NDUFAF2: variants seen among roughly 807,000 people sequenced by gnomAD.
The protein encoded by NDUFAF2 is NADH dehydrogenase [ubiquinone] 1 alpha subcomplex assembly factor 2.
Under a neutral mutation model 22.8 loss-of-function variants are expected in NDUFAF2, and 13 were observed. That is an observed-to-expected ratio of 0.57 (90% confidence interval 0.37 to 0.91). NDUFAF2 has a LOEUF of 0.91. NDUFAF2 is among the 40% of genes least tolerant of loss of function. The probability of loss-of-function intolerance (pLI) is 0.01; values close to 1 mark genes in which losing one functional copy is unlikely to be tolerated. For missense variants in NDUFAF2, 162 were observed against 195.2 expected, an observed-to-expected ratio of 0.83 and a Z score of 1.01; for synonymous variants, 53 against 64.2, an observed-to-expected ratio of 0.83 and a Z score of 0.84.
In NDUFAF2 at chr5:61,045,684, A is replaced by T. The variant is rs535286833; in HGVS notation, c.128-27441A>T. Among the ~76,000 whole-genome samples, 64 of 93,662 alleles carry T rather than the reference A, an allele frequency of 6.8e-4. 1 individual carries two copies. The highest frequency in any genetic ancestry group is 1.1e-3 in the Non-Finnish European group (57 of 49,590). 61.4% of individuals were successfully genotyped at this position (93,662 alleles called of 152,430 possible). A position where few individuals can be genotyped will look rare whatever the true frequency, so the allele number is the denominator to read the frequency against. On this transcript the variant is annotated intron_variant, in intron 1 of 3. Transcript: ENST00000296597. ...TACTGTTAGTGTATTTTTGTATCCCACAACTTTACTGAACTTGTTTGTTCT... is the reference window on the plus strand; with the variant it reads ...TACTGTTAGTGTATTTTTGTATCCCTCAACTTTACTGAACTTGTTTGTTCT...
At chr5:60,945,438 G>A (rs1256058869) in intron 1 of NDUFAF2, 56 bp downstream of exon 1, 2 of 1,613,522 alleles carry the variant, frequency 1.2e-6, no homozygotes, top group South Asian at 1.1e-5. Flanking sequence ...GGTCAGTAAA[G>A]GAGGGAAAAG....
chr5:61,095,621 C>T (rs1255156560), intron 2 of NDUFAF2, among the ~76,000 whole-genome samples: 2 of 152,198 alleles, frequency 1.3e-5, no homozygotes, highest in Admixed American at 6.5e-5. Context: ...CGCCTCTGTG[C>T]GTGCCTGAGT....
chr5:61,054,418 A>G (rs562067904), intron 1 of NDUFAF2, among the ~76,000 whole-genome samples: 2 of 152,290 alleles, frequency 1.3e-5, no homozygotes, highest in South Asian at 4.1e-4. Flanking sequence ...CAAGCAGGCC[A>G]GACCATAGGT....
intron 1 of NDUFAF2, among the ~76,000 whole-genome samples, chr5:60,949,569 G>A (rs111249711): frequency 1.9e-3 from 293 of 152,306 alleles, no homozygotes; most frequent in African/African-American, 6.7e-3. Context: ...CTAAGAGTGT[G>A]AGTGCTTGGC....
chr5:60,970,261 A>C (rs1444706395), intron 1 of NDUFAF2, among the ~76,000 whole-genome samples: 1 of 152,146 alleles, frequency 6.6e-6, no homozygotes, highest in African/African-American at 2.4e-5. Flanking sequence ...TTCTGTGAAG[A>C]ATGTCATTGG....
intron 1 of NDUFAF2, among the ~76,000 whole-genome samples, chr5:60,953,542 C>T (rs1750575446): frequency 6.6e-6 from 1 of 152,054 alleles, no homozygotes; most frequent in African/African-American, 2.4e-5. Context: ...GCTTCAGTAG[C>T]CTCCTGAGAA....
At chr5:60,992,518 A>C (rs1751174153) in intron 1 of NDUFAF2, among the ~76,000 whole-genome samples, 2 of 152,096 alleles carry the variant, frequency 1.3e-5, no homozygotes, top group African/African-American at 2.4e-5. Context: ...TTAATTCATC[A>C]TTTAGTCTTT....
chr5:61,096,417 G>C (rs1349481168), intron 2 of NDUFAF2, among the ~76,000 whole-genome samples: 1 of 151,876 alleles, frequency 6.6e-6, no homozygotes, highest in Non-Finnish European at 1.5e-5. Flanking sequence ...TGGCCAACAC[G>C]GTGAAACCCC....
chr5:61,077,835 G>A (rs955595859), intron 2 of NDUFAF2, among the ~76,000 whole-genome samples: 5 of 152,196 alleles, frequency 3.3e-5, no homozygotes, highest in African/African-American at 9.6e-5. Context: ...ATGGGTAGAT[G>A]TGGTAATGAG....
intron 3 of NDUFAF2, among the ~76,000 whole-genome samples, chr5:61,122,983 G>A (rs1752994544): frequency 6.6e-6 from 1 of 152,014 alleles, no homozygotes; most frequent in African/African-American, 2.4e-5. Context: ...GGTATCAAGG[G>A]GATAGAAGCT....
intron 1 of NDUFAF2, among the ~76,000 whole-genome samples, chr5:60,973,898 A>C (rs1429899466): frequency 6.6e-6 from 1 of 152,148 alleles, no homozygotes; most frequent in Non-Finnish European, 1.5e-5. Context: ...TTTGCCTCCC[A>C]GGCTCAGTGA....
chr5:61,095,856 C>G (rs997400198), intron 2 of NDUFAF2, among the ~76,000 whole-genome samples: 4 of 152,160 alleles, frequency 2.6e-5, no homozygotes, highest in African/African-American at 4.8e-5. Flanking sequence ...TTTCTTCATT[C>G]TCCAGGGGTC....
At chr5:60,987,481 G>A (rs1051738566) in intron 1 of NDUFAF2, among the ~76,000 whole-genome samples, 6 of 151,790 alleles carry the variant, frequency 4.0e-5, no homozygotes, top group African/African-American at 1.5e-4. Context: ...AACAACAATA[G>A]CAATAAGAGT....
intron 1 of NDUFAF2, among the ~76,000 whole-genome samples, chr5:60,980,081 T>C (rs1032416127): frequency 1.3e-5 from 2 of 152,174 alleles, no homozygotes; most frequent in African/African-American, 4.8e-5. Flanking sequence ...CACTACAGCA[T>C]TACTGGGCTT....
intron 3 of NDUFAF2, among the ~76,000 whole-genome samples, chr5:61,144,229 T>A (rs1741098859): frequency 6.6e-6 from 1 of 152,108 alleles, no homozygotes; most frequent in Non-Finnish European, 1.5e-5. Flanking sequence ...ACTGAAACAC[T>A]CCTTCATAGA....
At chr5:61,119,572 G>A (rs1752952343) in intron 3 of NDUFAF2, among the ~76,000 whole-genome samples, 1 of 152,124 alleles carries the variant, frequency 6.6e-6, no homozygotes, top group African/African-American at 2.4e-5. Context: ...CCTGAGCTTG[G>A]TCAACATCCC....
In NDUFAF2 at chr5:61,092,311, A is replaced by G. The variant is rs543159444; in HGVS notation, c.218-6681A>G. The stretch of plus-strand genomic sequence containing the variant: ...GAATCTGTAAATTGCTTTGGGCAGT[A>G]TGGCCATTTTAGCAATATTGATTCT... On this transcript the variant is annotated intron_variant, in intron 2 of 3. Coordinates refer to ENST00000296597, the MANE Select transcript of NDUFAF2 (RefSeq NM_174889.5). Among the ~76,000 whole-genome samples the G allele has an allele frequency of 2.7e-4, 41 of 151,962 alleles. No homozygotes were observed. The South Asian group carries it at 6.5e-3, about 24-fold the overall frequency.
intron 1 of NDUFAF2, among the ~76,000 whole-genome samples, chr5:61,063,509 A>G (rs1752192003): frequency 6.6e-6 from 1 of 152,068 alleles, no homozygotes; most frequent in African/African-American, 2.4e-5. Context: ...GTCTCAAAAC[A>G]AACAAACAAG....
intron 1 of NDUFAF2, among the ~76,000 whole-genome samples, chr5:61,030,609 TTTTC>T (rs1447026837): frequency 9.2e-5 from 14 of 152,104 alleles, no homozygotes; most frequent in Non-Finnish European, 1.8e-4. Flanking sequence ...GCCTTAGCTG[TTTTC>T]TTTCTTAGCA....
Sources: allele counts gnomAD v4.1 joint callset (sites outside exome capture counted in the v4.1 genomes callset), GRCh38; gene constraint gnomAD v4.1.1; transcripts MANE v1.5; gene names NCBI Gene and HGNC (gene_info 2026-07-23, HGNC 2026-07-21).